The following SLC9A3 variants were observed in gnomAD, a reference collection of about 807,000 sequenced individuals.
The protein encoded by SLC9A3 is sodium/hydrogen exchanger 3.
Under a neutral mutation model 86.8 loss-of-function variants are expected in SLC9A3, and 37 were observed. That is an observed-to-expected ratio of 0.43 (90% CI 0.33 to 0.56). SLC9A3 has a LOEUF of 0.56. SLC9A3 is among the 20% of genes least tolerant of loss of function. The pLI is 0.06. For missense variants in SLC9A3, 1,011 were observed against 1,171.9 expected (o/e 0.86, Z 2.00); for synonymous variants, 581 against 528.3 (o/e 1.10, Z -1.37).
At chr5:480,350 G>C (rs1739086852) in intron 9 of SLC9A3, 1 of 178,690 alleles carries the variant, frequency 5.6e-6, no homozygotes, top group South Asian at 1.3e-4. Flanking sequence ...ACCAGAGTGA[G>C]GTTTTTTTTA....
chr5:507,192 G>A (rs148871522), intron 1 of SLC9A3, among the ~76,000 whole-genome samples: 3,595 of 8,698 alleles, frequency 0.41, 697 homozygotes, highest in Non-Finnish European at 0.53. Context: ...TTTTTGAGAC[G>A]GAGTCTGGCT....
In SLC9A3 at chr5:520,634, C is replaced by T. The variant is rs61268741; in HGVS notation, c.211+3478G>A. ...TGACCACATCCACTCCTCACCACGACGCTAGGTGGGGACCAAAGTCCTCCA... is the reference window on the plus strand; with the variant it reads ...TGACCACATCCACTCCTCACCACGATGCTAGGTGGGGACCAAAGTCCTCCA... On this transcript the variant is annotated intron_variant, in intron 1 of 16. Coordinates refer to ENST00000264938, the MANE Select transcript of SLC9A3 (RefSeq NM_004174.4). Among the ~76,000 whole-genome samples the T allele has an allele frequency of 7.9e-3, 1,199 of 152,298 alleles. 21 individuals are homozygous for T. The highest frequency in any genetic ancestry group is 0.027 in the African/African-American group (1,114 of 41,548).
chr5:475,923 GGGAA>G, intron 14 of SLC9A3, 93 bp downstream of exon 14: 1 of 1,101,678 alleles, frequency 9.1e-7, no homozygotes, highest in Non-Finnish European at 1.3e-6. Flanking sequence ...GTCCCCAGAG[GGGAA>G]GGTCCTGAGA....
chr5:503,786 A>T (rs991135984), intron 1 of SLC9A3, among the ~76,000 whole-genome samples: 1 of 152,212 alleles, frequency 6.6e-6, no homozygotes, highest in Non-Finnish European at 1.5e-5. Context: ...CCAATAAAGA[A>T]CTTTCTTCTT....
Position 488,496 on chromosome 5 carries a change from G to A in SLC9A3, c.515-20C>T, listed in dbSNP as rs753611889. 3.5e-5 allele frequency: 53 copies of A among 1,528,334 alleles called. No homozygotes were observed. The Middle Eastern group carries it at 7.0e-4, about 20-fold the overall frequency. 94.7% of individuals were successfully genotyped at this position (1,528,334 alleles called of 1,614,324 possible). A position where few individuals can be genotyped will look rare whatever the true frequency, so the allele number is the denominator to read the frequency against. ...GGTCGCCTGGAAGACAAGCCGGGCC[G>A]CGGGGCAGCTGCAGGGCCTGCCACC... On this transcript the variant is annotated intron_variant, in intron 2 of 16. Coordinates refer to ENST00000264938, the MANE Select transcript of SLC9A3 (RefSeq NM_004174.4).
intron 5 of SLC9A3, among the ~76,000 whole-genome samples, 191 bp from the exon 6 acceptor site, chr5:483,673 G>A (rs1269205235): frequency 6.6e-6 from 1 of 152,222 alleles, no homozygotes; most frequent in Admixed American, 6.5e-5. Flanking sequence ...GGCCACAGGC[G>A]GCATCACCGT....
intron 1 of SLC9A3, among the ~76,000 whole-genome samples, chr5:509,772 G>A (rs1740796562): frequency 1.3e-5 from 2 of 152,192 alleles, no homozygotes; most frequent in Non-Finnish European, 2.9e-5. Flanking sequence ...GAGGCCTCCT[G>A]CAAAGAACCA....
chr5:511,460 C>G (rs1228034287), intron 1 of SLC9A3, among the ~76,000 whole-genome samples: 1 of 152,230 alleles, frequency 6.6e-6, no homozygotes, highest in Non-Finnish European at 1.5e-5. Context: ...GAAAAATAAA[C>G]AACCCAGTGA....
chr5:504,874 C>T (rs557150186), intron 1 of SLC9A3, among the ~76,000 whole-genome samples: 8 of 151,998 alleles, frequency 5.3e-5, no homozygotes, highest in Non-Finnish European at 8.8e-5. Flanking sequence ...GCTCACACCT[C>T]GGCTAGCAAA....
rs1456969132 is a variant in SLC9A3, at chr5:496,612, G to C, written c.212-4541C>G. Among the ~76,000 whole-genome samples, 1 of 152,120 alleles carries C rather than the reference G, an allele frequency of 6.6e-6. No homozygotes were observed. The highest frequency in any genetic ancestry group is 1.5e-5 in the Non-Finnish European group (1 of 68,036). ...TGTCTTCTGTCATTTTGCTCCATGC[G>C]AACGTCTTTTCTTTTTATAGTTAAA... On this transcript the variant is annotated intron_variant, in intron 1 of 16. Transcript: ENST00000264938. The surrounding 1 kb of genome is among the most constrained non-coding windows in gnomAD (Gnocchi z 4.7).
chr5:480,863 A>G (rs948789721), intron 9 of SLC9A3: 1 of 152,282 alleles, frequency 6.6e-6, no homozygotes, highest in African/African-American at 2.4e-5. Context: ...TTTATAATAA[A>G]ACATAGGTGA....
At chr5:524,025 A>T in intron 1 of SLC9A3, 87 bp downstream of exon 1, 1 of 889,344 alleles carries the variant, frequency 1.1e-6, no homozygotes, top group Non-Finnish European at 1.6e-6. Context: ...CTCCGACCTG[A>T]TGCGCGCGGC....
At chr5:490,728 G>A (rs1006133988) in intron 2 of SLC9A3, among the ~76,000 whole-genome samples, 2 of 152,230 alleles carry the variant, frequency 1.3e-5, no homozygotes, top group Non-Finnish European at 2.9e-5. Flanking sequence ...CCTTGGGTGC[G>A]GTGGCTAGGG....
chr5:486,553 C>T (rs1739481433), intron 3 of SLC9A3, among the ~76,000 whole-genome samples: 1 of 152,210 alleles, frequency 6.6e-6, no homozygotes, highest in African/African-American at 2.4e-5. Context: ...CCAGGGACAC[C>T]CACACACCGT....
At position 482,175 on chromosome 5, in the gene SLC9A3, G is replaced by T; in HGVS notation, c.1357-18C>A. On this transcript the variant is annotated intron_variant, in intron 7 of 16. Transcript: ENST00000264938. ...GTCAGGCCCTGGAGGACAGGGTCTC[G>T]TGACCCTGGTGCCAGGCAGCCCCCC... The T allele has an allele frequency of 6.3e-7, 1 of 1,578,618 alleles. No homozygotes were observed. Among genetic ancestry groups the T allele is most frequent in the Non-Finnish European group, 8.7e-7 (1 of 1,150,962 alleles).
At position 524,216 on chromosome 5, in the gene SLC9A3, T is replaced by C; in HGVS notation, c.107A>G (p.His36Arg). ...CACCTGGAAGCCCCCGCTCTCGCCG[T>C]GCGCGCCGCCGGGCTCCACCTCGAC... Reference protein sequence around the residue: ...GGVEVEPGGAHGESGGFQVVT... With the variant: ...GGVEVEPGGARGESGGFQVVT... Residue 36 changes from histidine (H) to arginine (R), a missense_variant, in exon 1 of 17, where the codon CAC becomes CGC. Around this residue, in one of 3 missense-constraint regions of SLC9A3, gnomAD observed 565 missense variants for 790.0 expected, o/e 0.72. Coordinates refer to ENST00000264938, the MANE Select transcript of SLC9A3 (RefSeq NM_004174.4). 9.2e-6 allele frequency: 14 copies of C among 1,518,682 alleles called. No homozygotes were observed. The highest frequency in any genetic ancestry group is 1.2e-5 in the Non-Finnish European group (14 of 1,134,982). 94.1% of individuals were successfully genotyped at this position (1,518,682 alleles called of 1,614,324 possible). A position where few individuals can be genotyped will look rare whatever the true frequency, so the allele number is the denominator to read the frequency against.
chr5:514,078 C>T (rs1219947313), intron 1 of SLC9A3, among the ~76,000 whole-genome samples: 1 of 152,270 alleles, frequency 6.6e-6, no homozygotes, highest in Non-Finnish European at 1.5e-5. Flanking sequence ...GGCCCCAGCC[C>T]CGGCTCGGGA....
At chr5:475,476 T>G in intron 15 of SLC9A3, 85 bp downstream of exon 15, 4 of 799,600 alleles carry the variant, frequency 5.0e-6, no homozygotes, top group Non-Finnish European at 6.2e-6. Flanking sequence ...CAGGTCCCAG[T>G]GCCCCTGGTC....
intron 3 of SLC9A3, among the ~76,000 whole-genome samples, chr5:486,521 G>A (rs562471385): frequency 6.1e-4 from 93 of 152,250 alleles, no homozygotes; most frequent in South Asian, 4.8e-3. Context: ...CACCGTCCCC[G>A]CCTCCCGGAA....
Sources: allele counts gnomAD v4.1 joint callset (sites outside exome capture counted in the v4.1 genomes callset), GRCh38; gene constraint gnomAD v4.1.1; regional missense constraint gnomAD v4.1.1; non-coding constraint Gnocchi (gnomAD v3.1); transcripts MANE v1.5; gene names NCBI Gene and HGNC (gene_info 2026-07-23, HGNC 2026-07-21).